Variants in PIWIL2 observed in about 807,000 individuals in gnomAD.
PIWIL2 encodes the protein piwi like RNA-mediated gene silencing 2.
A neutral mutation model predicts 116.5 loss-of-function variants in PIWIL2; 81 were observed. The observed-to-expected ratio is 0.70, with a 90% CI of 0.58 to 0.84. The LOEUF is 0.84. PIWIL2 is among the 40% of genes least tolerant of loss of function. The pLI is 0.00. For missense variants in PIWIL2, 1,272 were observed against 1,212.3 expected, an observed-to-expected ratio of 1.05 and a Z score of -0.73; for synonymous variants, 489 against 429.5, an observed-to-expected ratio of 1.14 and a Z score of -1.71.
chr8:22,330,337 G>C (rs1831828089), intron 20 of PIWIL2, among the ~76,000 whole-genome samples: 1 of 152,022 alleles, frequency 6.6e-6, no homozygotes, highest in South Asian at 2.1e-4. Flanking sequence ...TATTTGGTGA[G>C]ACACATTCTC....
Position 22,279,377 on chromosome 8 carries a change from C to T in PIWIL2, c.-10C>T, listed in dbSNP as rs1272653613. 1.2e-6 allele frequency: 2 copies of T among 1,611,614 alleles called. No individual in the cohort carries two copies. Among genetic ancestry groups the T allele is most frequent in the South Asian group, 2.2e-5 (2 of 91,026 alleles). On this transcript the variant is annotated 5_prime_UTR_variant, in exon 2 of 23. Transcript: ENST00000356766. ...GAACAGGATCGACACGTGTTCTCTACAGCCCGTCCATGGATCCTTTCCGAC... is the reference window on the plus strand; with the variant it reads ...GAACAGGATCGACACGTGTTCTCTATAGCCCGTCCATGGATCCTTTCCGAC...
chr8:22,344,146 A>C (rs955091650), intron 20 of PIWIL2, among the ~76,000 whole-genome samples: 2 of 152,240 alleles, frequency 1.3e-5, no homozygotes, highest in African/African-American at 4.8e-5. Flanking sequence ...TATGATTCTA[A>C]CTGTATGATA....
At chr8:22,310,666 A>G (rs547275194) in intron 15 of PIWIL2, among the ~76,000 whole-genome samples, 2 of 152,238 alleles carry the variant, frequency 1.3e-5, no homozygotes, top group African/African-American at 4.8e-5. Flanking sequence ...AAGGGTTAAG[A>G]TGCAGAACTT....
chr8:22,316,115 C>A, intron 18 of PIWIL2, 130 bp from the exon 19 acceptor site: 1 of 543,790 alleles, frequency 1.8e-6, no homozygotes, highest in Non-Finnish European at 3.3e-6. Context: ...TTTTTTTTTT[C>A]TTTCCCAGAA....
Position 22,283,200 on chromosome 8 carries a change from C to A in PIWIL2, c.592C>A (p.Pro198Thr), listed in dbSNP as rs1410487461. ...TCTGCCCCAGTCTCCCCTGCACTCT[C>A]CAGATCGCCCTCTGGTCCTGACTGT... ...PALPQSPLHS[P>T]DRPLVLTVEH... Residue 198 changes from proline to threonine, a missense_variant, in exon 5 of 23, where the codon CCA becomes ACA. By Grantham distance (38) the Pro-to-Thr change is conservative. Transcript: ENST00000356766. The A allele has an allele frequency of 6.2e-7, 1 of 1,614,052 alleles. No individual in the cohort carries two copies. The highest frequency in any genetic ancestry group is 8.5e-7 in the Non-Finnish European group (1 of 1,179,952).
intron 20 of PIWIL2, among the ~76,000 whole-genome samples, chr8:22,334,255 G>A (rs566807055): frequency 3.4e-4 from 51 of 151,916 alleles, no homozygotes; most frequent in African/African-American, 1.2e-3. Context: ...AATTACAGGC[G>A]TGAGACACCA....
At position 22,288,530 on chromosome 8, in the gene PIWIL2, T is replaced by C. The variant is rs1563354326; in HGVS notation, c.862-12T>C. 1.9e-6 allele frequency: 3 copies of C among 1,608,310 alleles called. No individual in the cohort carries two copies. Among genetic ancestry groups the C allele is most frequent in the Non-Finnish European group, 1.7e-6 (2 of 1,175,886 alleles). ...TGTCATTTTGTTTCACCTGTGTGTA[T>C]TTATTTGTTAGGTTCTTGAGTTAAA... On this transcript the variant is annotated splice_polypyrimidine_tract_variant and intron_variant, in intron 7 of 22. Coordinates refer to ENST00000356766, the MANE Select transcript of PIWIL2 (RefSeq NM_018068.5).
At chr8:22,297,736 T>TA (rs1179136367) in intron 10 of PIWIL2, among the ~76,000 whole-genome samples, 2 of 152,156 alleles carry the variant, frequency 1.3e-5, no homozygotes, top group Non-Finnish European at 2.9e-5. Flanking sequence ...GATGAAAAAT[T>TA]ACTGATAGGA....
intron 8 of PIWIL2, among the ~76,000 whole-genome samples, chr8:22,289,584 T>G (rs758395960): frequency 6.6e-6 from 1 of 152,224 alleles, no homozygotes; most frequent in African/African-American, 2.4e-5. Context: ...AGTAACGTAA[T>G]AAAACCTTGG....
chr8:22,339,651 C>A (rs190122109), intron 20 of PIWIL2, among the ~76,000 whole-genome samples: 34 of 152,234 alleles, frequency 2.2e-4, no homozygotes, highest in Non-Finnish European at 1.8e-4. Flanking sequence ...AAATTAAAAC[C>A]TTTTGTGCTT....
chr8:22,354,122 T>C lies in PIWIL2; in HGVS notation c.2658-149T>C, dbSNP rs1418258384. On this transcript the variant is annotated intron_variant, in intron 21 of 22. Transcript: ENST00000356766. ...GCCTCTTGAGTCAGGAGACCTGGGT[T>C]CTAATCCTGGTCTGGCCTCTGTGTC... 6.0e-5 allele frequency: 36 copies of C among 603,904 alleles called. 1 individual carries two copies. The highest frequency in any genetic ancestry group is 5.1e-4 in the East Asian group (18 of 35,616). 37.4% of individuals were successfully genotyped at this position (603,904 alleles called of 1,614,324 possible). A position where few individuals can be genotyped will look rare whatever the true frequency, so the allele number is the denominator to read the frequency against.
intron 14 of PIWIL2, 129 bp downstream of exon 14, chr8:22,308,202 T>G (rs1831236626): frequency 1.3e-6 from 1 of 778,236 alleles, no homozygotes; most frequent in Non-Finnish European, 1.9e-6. Flanking sequence ...TCTAAGTTTT[T>G]TTTTTTTTTT....
At chr8:22,304,429 A>AAATT (rs1259083106) in intron 11 of PIWIL2, among the ~76,000 whole-genome samples, 2 of 152,336 alleles carry the variant, frequency 1.3e-5, no homozygotes, top group African/African-American at 4.8e-5. Context: ...GTTACTATAT[A>AAATT]AATTAAGGGC....
intron 20 of PIWIL2, 157 bp from the exon 21 acceptor site, chr8:22,352,802 A>AGCTTTTTTTCCCTGCCCTCTAG: frequency 3.1e-6 from 2 of 653,782 alleles, no homozygotes; most frequent in Non-Finnish European, 5.1e-6. Context: ...AATGATTAGA[A>AGCTTTTTTTCCCTGCCCTCTAG]GCTTTTTTTC....
chr8:22,309,501 G>T (rs1371182072), intron 14 of PIWIL2, among the ~76,000 whole-genome samples: 1 of 151,668 alleles, frequency 6.6e-6, no homozygotes, highest in East Asian at 1.9e-4. Flanking sequence ...ACCACACCCA[G>T]CTAATTTTTG....
chr8:22,313,071 C>G (rs1831371061), intron 16 of PIWIL2, among the ~76,000 whole-genome samples: 1 of 152,204 alleles, frequency 6.6e-6, no homozygotes, highest in African/African-American at 2.4e-5. Flanking sequence ...CATCAGCTCC[C>G]CCATTTCACA....
chr8:22,343,915 G>A (rs191373938), intron 20 of PIWIL2, among the ~76,000 whole-genome samples: 9 of 152,070 alleles, frequency 5.9e-5, no homozygotes, highest in South Asian at 2.1e-4. Context: ...GAAAACTTAC[G>A]CCCACACAAA....
chr8:22,300,379 T>C (rs944335300), intron 10 of PIWIL2, among the ~76,000 whole-genome samples: 1 of 152,232 alleles, frequency 6.6e-6, no homozygotes, highest in Admixed American at 6.5e-5. Context: ...TAGTGTTCCA[T>C]TTTGTGGCTC....
chr8:22,295,754 G>T (rs1204290852), intron 10 of PIWIL2, among the ~76,000 whole-genome samples: 1 of 152,172 alleles, frequency 6.6e-6, no homozygotes, highest in African/African-American at 2.4e-5. Flanking sequence ...GAGGTGAGAA[G>T]AGCTCGGTGT....
Sources: allele counts gnomAD v4.1 joint callset (sites outside exome capture counted in the v4.1 genomes callset), GRCh38; gene constraint gnomAD v4.1.1; transcripts MANE v1.5; gene names NCBI Gene and HGNC (gene_info 2026-07-23, HGNC 2026-07-21).